Variants in ABCC6 observed in about 807,000 individuals in gnomAD.
ABCC6 encodes ATP-binding cassette sub-family C member 6.
In ABCC6, 126 loss-of-function variants were observed where a neutral mutation model predicts 169.5. The observed-to-expected ratio is 0.74, with a 90% CI of 0.64 to 0.86. The LOEUF (loss-of-function observed/expected upper bound fraction) is 0.86, where lower values mean the gene tolerates loss of function less well. Among genes scored for constraint, ABCC6 ranks in the 40% least tolerant of loss-of-function variants. The pLI is 0.00. For synonymous variants in ABCC6, 752 were observed against 814.7 expected (o/e 0.92, Z 1.31); for missense variants, 1,733 against 1,927.2 (o/e 0.90, Z 1.89).
intron 25 of ABCC6, among the ~76,000 whole-genome samples, chr16:16,161,024 G>C (rs1456600889): frequency 1.3e-5 from 2 of 152,126 alleles, no homozygotes; most frequent in African/African-American, 2.4e-5. Context: ...AGAATCGCTT[G>C]AACCCAGGAG....
In ABCC6 at chr16:16,198,091, C is replaced by T. The variant is rs1260179420; in HGVS notation, c.1268G>A (p.Ser423Asn). Residue 423 changes from serine (S) to asparagine (N), a missense_variant, in exon 10 of 31, where the codon AGC (serine) becomes AAC (asparagine). Ser to Asn is a conservative substitution (Grantham distance 46, BLOSUM62 1). This residue lies in a region of ABCC6 where 1,601 missense variants were observed against 1,635.5 expected (regional missense o/e 0.98). Transcript: ENST00000205557. The stretch of plus-strand genomic sequence containing the variant: ...CCACAGCCCGTTGAGGTAGAGGACG[C>T]TCTCGGTCAGCCGCTGCACGTCCAC... ...VSVDVQRLTE[S>N]VLYLNGLWLP... The T allele has an allele frequency of 2.5e-6, 4 of 1,613,932 alleles. No individual in the cohort carries two copies. Among genetic ancestry groups the T allele is most frequent in the Admixed American group, 1.7e-5 (1 of 60,018 alleles).
At chr16:16,213,901 G>C (rs927542853) in intron 5 of ABCC6, among the ~76,000 whole-genome samples, 2 of 148,218 alleles carry the variant, frequency 1.3e-5, no homozygotes, top group Non-Finnish European at 3.0e-5. Context: ...CCAGTGTCTG[G>C]TTCCCCTGCT....
chr16:16,213,033 A>G (rs1219694782), intron 5 of ABCC6, among the ~76,000 whole-genome samples: 3 of 152,216 alleles, frequency 2.0e-5, no homozygotes, highest in Middle Eastern at 6.8e-3. Flanking sequence ...TCTGGTAGGT[A>G]CAAAAAAGAT....
At chr16:16,198,560 A>G (rs2152279002) in intron 9 of ABCC6, among the ~76,000 whole-genome samples, 1 of 152,114 alleles carries the variant, frequency 6.6e-6, no homozygotes, top group East Asian at 1.9e-4. Context: ...CATTCCCTCT[A>G]ATGCCAGGCC....
At chr16:16,183,401 C>T (rs1208112944) in intron 15 of ABCC6, among the ~76,000 whole-genome samples, 1 of 152,184 alleles carries the variant, frequency 6.6e-6, no homozygotes, top group African/African-American at 2.4e-5. Context: ...CTTGGTCCCG[C>T]CCCACTCCTG....
At chr16:16,217,200 G>T (rs2048908235) in intron 4 of ABCC6, among the ~76,000 whole-genome samples, 1 of 152,050 alleles carries the variant, frequency 6.6e-6, no homozygotes, top group Non-Finnish European at 1.5e-5. Flanking sequence ...TTGTTTGTTT[G>T]TTTTTTGGCA....
intron 7 of ABCC6, among the ~76,000 whole-genome samples, chr16:16,207,656 T>G (rs1339278285): frequency 6.6e-6 from 1 of 152,224 alleles, no homozygotes; most frequent in Non-Finnish European, 1.5e-5. Flanking sequence ...CTAACTTCCT[T>G]TTTTGTTCTG....
At position 16,188,939 on chromosome 16, in the gene ABCC6, C is replaced by T. The variant is rs752741312; in HGVS notation, c.1671G>A (p.Val557=). 4 of 1,614,072 alleles carry T rather than the reference C, an allele frequency of 2.5e-6. No homozygotes were observed. The South Asian group carries it at 3.3e-5, about 13-fold the overall frequency. Residue 557 remains valine, a synonymous_variant, in exon 13 of 31, where the codon GTG becomes GTA. Coordinates refer to ENST00000205557, the MANE Select transcript of ABCC6 (RefSeq NM_001171.6). ...ALVVFAVHTL[V]AENAMNAEKA... ...TCTCTGCATTCATAGCATTCTCGGC[C>T]ACCAGAGTGTGGACAGCAAACACCA... is the stretch of plus-strand genomic sequence containing the variant.
At chr16:16,222,643 T>C (rs2049112102) in intron 1 of ABCC6, among the ~76,000 whole-genome samples, 1 of 151,868 alleles carries the variant, frequency 6.6e-6, no homozygotes, top group South Asian at 2.1e-4. Flanking sequence ...GCCTCCTAGG[T>C]ACTGGGATTA....
intron 11 of ABCC6, among the ~76,000 whole-genome samples, chr16:16,192,568 C>G (rs1596686344): frequency 6.6e-6 from 1 of 152,106 alleles, no homozygotes; most frequent in East Asian, 1.9e-4. Context: ...CCAAGCAAAT[C>G]TGCTGACAGA....
chr16:16,182,357 A>C, intron 17 of ABCC6, 55 bp downstream of exon 17: 1 of 1,608,214 alleles, frequency 6.2e-7, no homozygotes, highest in East Asian at 2.2e-5. Context: ...TCGGGGACCC[A>C]AATGACTCCC....
At chr16:16,151,286 T>TCCTGAC (rs1418947665) in intron 29 of ABCC6, among the ~76,000 whole-genome samples, 20 of 152,118 alleles carry the variant, frequency 1.3e-4, no homozygotes, top group Non-Finnish European at 2.5e-4. Flanking sequence ...TGTTTGAAAC[T>TCCTGAC]CTCAGGTGAT....
At chr16:16,183,779 A>G (rs574377802) in intron 15 of ABCC6, among the ~76,000 whole-genome samples, 2 of 152,070 alleles carry the variant, frequency 1.3e-5, no homozygotes, top group African/African-American at 2.4e-5. Flanking sequence ...ACATCCCACA[A>G]TGCACACGAC....
At chr16:16,197,966 G>A in intron 10 of ABCC6, 55 bp downstream of exon 10, 1 of 1,510,006 alleles carries the variant, frequency 6.6e-7, no homozygotes, top group Non-Finnish European at 8.9e-7. Flanking sequence ...GGAGGAGGGG[G>A]AGAAGGAGGG....
chr16:16,214,506 G>A, intron 4 of ABCC6, 57 bp from the exon 5 acceptor site: 1 of 1,551,322 alleles, frequency 6.4e-7, no homozygotes, highest in Non-Finnish European at 8.7e-7. Flanking sequence ...GCTCAGAGGA[G>A]AGAAAAGGTT....
chr16:16,194,532 T>G (rs1185515717), intron 10 of ABCC6, among the ~76,000 whole-genome samples: 2 of 152,110 alleles, frequency 1.3e-5, no homozygotes, highest in East Asian at 3.9e-4. Context: ...AATGTGGAAG[T>G]GGGGGGTAGA....
intron 17 of ABCC6, among the ~76,000 whole-genome samples, chr16:16,181,227 G>A (rs1431746038): frequency 6.6e-6 from 1 of 151,426 alleles, no homozygotes; most frequent in East Asian, 2.0e-4. Flanking sequence ...AGGATTGCTT[G>A]AACTACTCAT....
chr16:16,190,452 C>A (rs1448358565), intron 11 of ABCC6, 85 bp from the exon 12 acceptor site: 2 of 1,475,678 alleles, frequency 1.4e-6, no homozygotes, highest in African/African-American at 2.8e-5. Context: ...TTCAGCAAAT[C>A]CCATTCATCT....
chr16:16,185,802 T>C (rs1236602084), intron 14 of ABCC6, among the ~76,000 whole-genome samples: 1 of 152,186 alleles, frequency 6.6e-6, no homozygotes, highest in Non-Finnish European at 1.5e-5. Flanking sequence ...CTACTGCTAC[T>C]ACTACTAATT....
Sources: gnomAD v4.1 joint callset for allele counts (sites outside exome capture counted in the v4.1 genomes callset) on GRCh38, gnomAD v4.1.1 for gene constraint, gnomAD v4.1.1 regional missense constraint, MANE v1.5 for transcripts, NCBI Gene and HGNC (gene_info 2026-07-23, HGNC 2026-07-21) for gene names.